Variants in OXTR observed in about 807,000 individuals in gnomAD.
The protein encoded by OXTR is oxytocin receptor.
Under a neutral mutation model 23.9 loss-of-function variants are expected in OXTR, and 19 were observed. That is an observed-to-expected ratio of 0.80 (90% CI 0.56 to 1.17). The LOEUF (loss-of-function observed/expected upper bound fraction) is 1.17, where lower values mean the gene tolerates loss of function less well. Among genes scored for constraint, OXTR ranks in the 50% most tolerant of loss-of-function variants. The pLI, the probability that OXTR is intolerant of heterozygous loss-of-function variation, is 0.00. For synonymous variants in OXTR, 278 were observed against 250.5 expected (o/e 1.11, Z -1.04); for missense variants, 500 against 550.7 (o/e 0.91, Z 0.92).
In OXTR at chr3:8,767,540, G is replaced by A. The variant is rs146118353; in HGVS notation, c.648C>T (p.Leu216=). The A allele has an allele frequency of 6.8e-6, 11 of 1,613,116 alleles. No individual in the cohort carries two copies. In the African/African-American group the frequency reaches 1.2e-4, roughly 18 times the overall value. Residue 216 remains leucine (L), a synonymous_variant, in exon 3 of 4, where the codon CTC becomes CTT. Coordinates refer to ENST00000316793, the MANE Select transcript of OXTR (RefSeq NM_000916.4). ...LAVYIVPVIV[L]AACYGLISFK... is the part of the protein sequence containing the mutation. The stretch of plus-strand genomic sequence containing the variant: ...AGCTGATAAGGCCGTAGCAGGCAGC[G>A]AGCACGATGACCGGCACGATGTAGA...
chr3:8,763,466 A>C (rs1435631462), intron 3 of OXTR, among the ~76,000 whole-genome samples: 1 of 152,072 alleles, frequency 6.6e-6, no homozygotes, highest in African/African-American at 2.4e-5. Context: ...AATCAACATC[A>C]ACCAACCCTA....
In OXTR at chr3:8,767,434, C is replaced by G; in HGVS notation, c.754G>C (p.Gly252Arg). 2 of 1,605,476 alleles carry G rather than the reference C, an allele frequency of 1.2e-6. No homozygotes were observed. Among genetic ancestry groups the G allele is most frequent in the Non-Finnish European group, 1.7e-6 (2 of 1,176,350 alleles). ...ACACGCGCCAGGGCCACGCGCCCCC[C>G]ATCGCCAGCCGCCGCGCCCTCTGGC... The part of the protein sequence containing the change: ...EAPEGAAAGD[G>R]GRVALARVSS... Residue 252 changes from glycine to arginine, a missense_variant, in exon 3 of 4, where the codon GGG becomes CGG. Physicochemically the swap from Gly to Arg is moderately radical, Grantham distance 125 (BLOSUM62 -2). Transcript: ENST00000316793.
chr3:8,745,796 T>G, downstream of OXTR: 1 of 1,614,072 alleles, frequency 6.2e-7, no homozygotes, highest in Non-Finnish European at 8.5e-7. This position sits in a 1 kb window ranked among gnomAD's most constrained non-coding sequence, Gnocchi z 4.8. Flanking sequence ...CCGCACCTTC[T>G]GCAACCCACT....
downstream of OXTR, chr3:8,745,540 C>A (rs374584030): frequency 1.2e-6 from 2 of 1,614,036 alleles, no homozygotes; most frequent in East Asian, 4.5e-5. This position sits in a 1 kb window ranked among gnomAD's most constrained non-coding sequence, Gnocchi z 4.8. Context: ...ATTTTGAAGA[C>A]GTGATCGCAG....
In OXTR at chr3:8,751,203, C is replaced by G. The variant is rs200774696; in HGVS notation, c.*1774G>C. 3 of 152,214 alleles carry G rather than the reference C, an allele frequency of 2.0e-5. No homozygotes were observed. The South Asian group carries it at 6.2e-4, about 32-fold the overall frequency. 9.4% of individuals were successfully genotyped at this position (152,214 alleles called of 1,614,324 possible). ...TCTTTGGAGAAATGTCTATTCAAAC[C>G]GTTAGCCCATTTTTTAAATTGATTT... On this transcript the variant is annotated 3_prime_UTR_variant, in exon 4 of 4. Transcript: ENST00000316793.
At chr3:8,749,949 C>A (rs1022614000), downstream of OXTR, among the ~76,000 whole-genome samples, 15 of 152,110 alleles carry the variant, frequency 9.9e-5, no homozygotes, top group Non-Finnish European at 2.2e-4. Flanking sequence ...TCAGTAAGTA[C>A]AAAAATGTGC....
rs2124991850 is a variant in OXTR, at chr3:8,750,902, G to A, written c.*2075C>T. The A allele has an allele frequency of 6.6e-6, 1 of 152,294 alleles. No homozygotes were observed. Among genetic ancestry groups the A allele is most frequent in the Middle Eastern group, 3.4e-3 (1 of 294 alleles). The allele number at this position is 152,294 out of a possible 1,614,324, so 9.4% of individuals were successfully genotyped here. On this transcript the variant is annotated 3_prime_UTR_variant, in exon 4 of 4. Transcript: ENST00000316793. Reference sequence around the variant, plus strand: ...ATTTCTCTTGGGTAAATACCTAGGAGTGGCATTCCTGGGTCATATGGTCAC... The same window carrying A: ...ATTTCTCTTGGGTAAATACCTAGGAATGGCATTCCTGGGTCATATGGTCAC...
the OXTR span, chr3:8,742,650 C>T: frequency 2.4e-6 from 1 of 413,232 alleles, no homozygotes; most frequent in Admixed American, 2.6e-5. Flanking sequence ...TCACAATAGC[C>T]AGGCATTGTG....
downstream of OXTR, chr3:8,745,596 A>G (rs753990961): frequency 6.2e-7 from 1 of 1,614,112 alleles, no homozygotes; most frequent in South Asian, 1.1e-5. The surrounding 1 kb of genome is among the most constrained non-coding windows in gnomAD (Gnocchi z 4.8). Context: ...AAGGTGAGCT[A>G]CACCACCTTC....
chr3:8,758,591 T>G (rs558817194), intron 3 of OXTR, among the ~76,000 whole-genome samples: 16 of 152,192 alleles, frequency 1.1e-4, no homozygotes, highest in African/African-American at 3.9e-4. Flanking sequence ...AAAGATTGAG[T>G]CTCAATATAC....
rs1336248056 is a variant in OXTR at position 8,752,938 on chromosome 3, C to T, written c.*39G>A. The T allele has an allele frequency of 4.4e-6, 7 of 1,586,234 alleles. No homozygotes were observed. The highest frequency in any genetic ancestry group is 1.7e-4 in the Middle Eastern group (1 of 5,780). ...GAGCAGAGCACTTATGCCAGCACAG[C>T]CTGAGCCTCAGGCTGCAGCCCTGGC... On this transcript the variant is annotated 3_prime_UTR_variant, in exon 4 of 4. Coordinates refer to ENST00000316793, the MANE Select transcript of OXTR (RefSeq NM_000916.4).
chr3:8,753,422 G>A (rs568262212), intron 3 of OXTR, among the ~76,000 whole-genome samples, 198 bp from the exon 4 acceptor site: 1 of 152,178 alleles, frequency 6.6e-6, no homozygotes, highest in East Asian at 1.9e-4. Context: ...CCCTCAGGCT[G>A]TCCTCCAAAC....
At chr3:8,747,372 A>G (rs1708190057), downstream of OXTR, among the ~76,000 whole-genome samples, 1 of 152,236 alleles carries the variant, frequency 6.6e-6, no homozygotes, top group African/African-American at 2.4e-5. Flanking sequence ...TCAAACACAG[A>G]AAAGTTGAAC....
At chr3:8,742,085 A>G in the OXTR span, among the ~76,000 whole-genome samples, 1 of 152,130 alleles carries the variant, frequency 6.6e-6, no homozygotes, top group Non-Finnish European at 1.5e-5. Flanking sequence ...TTAAGAAATG[A>G]AGTCACCGTA....
At chr3:8,766,903 G>A (rs543220892) in intron 3 of OXTR, among the ~76,000 whole-genome samples, 3 of 152,220 alleles carry the variant, frequency 2.0e-5, no homozygotes, top group Admixed American at 6.5e-5. Flanking sequence ...TCCTAACCAC[G>A]TGGGAAAGCA....
intron 3 of OXTR, among the ~76,000 whole-genome samples, chr3:8,766,421 GC>G (rs1287214772): frequency 6.6e-6 from 1 of 152,088 alleles, no homozygotes; most frequent in Non-Finnish European, 1.5e-5. Context: ...ATGGACAATT[GC>G]CCCACCTTCA....
At chr3:8,745,455 A>C, downstream of OXTR, 1 of 1,202,486 alleles carries the variant, frequency 8.3e-7, no homozygotes, top group South Asian at 1.2e-5. This position sits in a 1 kb window ranked among gnomAD's most constrained non-coding sequence, Gnocchi z 4.8. Context: ...TGACACATGC[A>C]CGCACACACC....
Position 8,768,190 on chromosome 3 carries a change from C to A in OXTR, c.-3G>T, listed in dbSNP as rs1430454165. 2 of 1,292,234 alleles carry A rather than the reference C, an allele frequency of 1.5e-6. No individual in the cohort carries two copies. Among genetic ancestry groups the A allele is most frequent in the South Asian group, 5.2e-5 (2 of 38,220 alleles). The allele number at this position is 1,292,234 out of a possible 1,614,324, so 80.0% of individuals were successfully genotyped here. Reference sequence around the variant, plus strand: ...TTGGCTGCGAGCGCGCCCTCCATGACCCTGGCGGCAGCGGTGCGCCCCGGC... The same window carrying A: ...TTGGCTGCGAGCGCGCCCTCCATGAACCTGGCGGCAGCGGTGCGCCCCGGC... On this transcript the variant is annotated 5_prime_UTR_variant, in exon 3 of 4. Coordinates refer to ENST00000316793, the MANE Select transcript of OXTR (RefSeq NM_000916.4). This position sits in a 1 kb window ranked among gnomAD's most constrained non-coding sequence, Gnocchi z 5.4.
rs1372756615 is a variant in OXTR, at chr3:8,767,806, A to G, written c.382T>C (p.Tyr128His). 1 of 1,610,342 alleles carries G rather than the reference A, an allele frequency of 6.2e-7. No homozygotes were observed. The highest frequency in any genetic ancestry group is 1.1e-5 in the South Asian group (1 of 90,522). Residue 128 changes from tyrosine to histidine, a missense_variant, in exon 3 of 4, where the codon TAC becomes CAC. Physicochemically the swap from Tyr to His is moderately conservative, Grantham distance 83. Transcript: ENST00000316793. ...TCCAGGGACATGAGCAGCAGCAGGTAGGTGGAGGCGAACATGCCCACCACC... is the reference window on the plus strand; with the variant it reads ...TCCAGGGACATGAGCAGCAGCAGGTGGGTGGAGGCGAACATGCCCACCACC... ...LQVVGMFAST[Y>H]LLLLMSLDRC...
Sources: allele counts gnomAD v4.1 joint callset (sites outside exome capture counted in the v4.1 genomes callset), GRCh38; gene constraint gnomAD v4.1.1; non-coding constraint Gnocchi (gnomAD v3.1); transcripts MANE v1.5; gene names NCBI Gene and HGNC (gene_info 2026-07-23, HGNC 2026-07-21).